The following FTCDNL1 variants were observed in gnomAD, a reference collection of about 807,000 sequenced individuals.
FTCDNL1 encodes formiminotransferase cyclodeaminase N-terminal like, also known as formiminotransferase N-terminal subdomain-containing protein.
FTCDNL1 carries 11 observed loss-of-function variants against 5.9 expected under a neutral mutation model. That is an observed-to-expected ratio of 1.87 (90% CI 1.18 to 3.10). The LOEUF is 3.10. Ranked by LOEUF, FTCDNL1 falls within the 30% of genes most tolerant of loss-of-function variation. The pLI is 0.00. For synonymous variants in FTCDNL1, 58 were observed against 24.8 expected (o/e 2.34, Z -3.99); for missense variants, 115 against 65.5 (o/e 1.76, Z -2.61).
chr2:199,843,767 T>G (rs916929129), intron 3 of FTCDNL1, among the ~76,000 whole-genome samples: 17 of 152,330 alleles, frequency 1.1e-4, no homozygotes, highest in African/African-American at 3.6e-4. Flanking sequence ...ATCTTGTAAT[T>G]AACCGTGGTA....
the FTCDNL1 span, among the ~76,000 whole-genome samples, chr2:199,730,401 G>A: frequency 6.6e-6 from 1 of 152,114 alleles, no homozygotes; most frequent in Non-Finnish European, 1.5e-5. Context: ...AGGGTTAATA[G>A]GCAATCTACA....
chr2:199,770,246 G>A (rs753146294), intron 3 of FTCDNL1, among the ~76,000 whole-genome samples: 2 of 152,194 alleles, frequency 1.3e-5, no homozygotes, highest in African/African-American at 2.4e-5. Context: ...GAAAAGAGGT[G>A]TGAGTGCACA....
At chr2:199,690,018 A>G in the FTCDNL1 span, among the ~76,000 whole-genome samples, 2 of 152,226 alleles carry the variant, frequency 1.3e-5, no homozygotes, top group Non-Finnish European at 2.9e-5. Flanking sequence ...TGATATGACA[A>G]TGTTCAAAAC....
intron 3 of FTCDNL1, among the ~76,000 whole-genome samples, chr2:199,842,887 T>C (rs1353921957): frequency 2.7e-5 from 4 of 149,438 alleles, no homozygotes; most frequent in African/African-American, 9.9e-5. Context: ...AACAGCGGGA[T>C]CCTAGAATGC....
the FTCDNL1 span, among the ~76,000 whole-genome samples, chr2:199,727,519 T>A: frequency 1.5e-4 from 23 of 152,118 alleles, no homozygotes; most frequent in Non-Finnish European, 3.2e-4. Context: ...GGGATGGGAG[T>A]TCCCCTTACC....
Position 199,810,587 on chromosome 2 carries a change from C to T in FTCDNL1, c.*2118G>A, listed in dbSNP as rs561424107. 2.7e-3 allele frequency among the ~76,000 whole-genome samples: 412 copies of T among 152,330 alleles called. 2 individuals carry two copies. Among genetic ancestry groups the T allele is most frequent in the Non-Finnish European group, 2.8e-3 (193 of 68,032 alleles). On this transcript the variant is annotated 3_prime_UTR_variant, in exon 5 of 5. Coordinates refer to ENST00000420128, the MANE Select transcript of FTCDNL1 (RefSeq NM_001363886.2). ...CTCTAGAGCTCAGGGGCAAATGTCCCGCCTTTCCCTGTCTCAGGGATGGTG... is the reference window on the plus strand; with the variant it reads ...CTCTAGAGCTCAGGGGCAAATGTCCTGCCTTTCCCTGTCTCAGGGATGGTG...
the FTCDNL1 span, among the ~76,000 whole-genome samples, chr2:199,742,911 A>G: frequency 6.6e-6 from 1 of 152,250 alleles, no homozygotes; most frequent in African/African-American, 2.4e-5. Context: ...AGGAACTACA[A>G]ATGGGTCTCG....
chr2:199,750,112 G>A, the FTCDNL1 span, among the ~76,000 whole-genome samples: 1 of 151,646 alleles, frequency 6.6e-6, no homozygotes, highest in Non-Finnish European at 1.5e-5. Context: ...CCAACACTTT[G>A]GGAGGCTGAG....
At chr2:199,682,657 T>C in the FTCDNL1 span, among the ~76,000 whole-genome samples, 1 of 152,216 alleles carries the variant, frequency 6.6e-6, no homozygotes, top group Non-Finnish European at 1.5e-5. Context: ...TTTCAAAATA[T>C]CTTAATCTCT....
At chr2:199,850,086 G>A (rs1444716109) in intron 1 of FTCDNL1, among the ~76,000 whole-genome samples, 1 of 152,146 alleles carries the variant, frequency 6.6e-6, no homozygotes, top group African/African-American at 2.4e-5. Context: ...TCATTCGTTG[G>A]CCTAATCATC....
chr2:199,725,308 T>G, the FTCDNL1 span, among the ~76,000 whole-genome samples: 1 of 152,186 alleles, frequency 6.6e-6, no homozygotes, highest in Non-Finnish European at 1.5e-5. Context: ...TTGAATACAG[T>G]ACACCAATGG....
chr2:199,762,538 G>A (rs185905028), intron 3 of FTCDNL1, among the ~76,000 whole-genome samples: 3 of 152,136 alleles, frequency 2.0e-5, no homozygotes, highest in Admixed American at 6.5e-5. Flanking sequence ...GGTCTCTTCT[G>A]TCTTGTTCTC....
At chr2:199,760,072 T>A (rs529800891), downstream of FTCDNL1, among the ~76,000 whole-genome samples, 24 of 152,284 alleles carry the variant, frequency 1.6e-4, no homozygotes, top group Middle Eastern at 3.4e-3. Flanking sequence ...CTTTGAACAT[T>A]AAAAAAGATT....
Position 199,809,918 on chromosome 2 carries a change from A to T in FTCDNL1, c.*2787T>A, listed in dbSNP as rs1398124066. On this transcript the variant is annotated 3_prime_UTR_variant, in exon 5 of 5. Coordinates refer to ENST00000420128, the MANE Select transcript of FTCDNL1 (RefSeq NM_001363886.2). ...TACCTGATTTTTTTTTTTTTTGGTAACCCTCCCATTTTTTAGTCACTTAGT... is the reference window on the plus strand; with the variant it reads ...TACCTGATTTTTTTTTTTTTTGGTATCCCTCCCATTTTTTAGTCACTTAGT... Among the ~76,000 whole-genome samples the T allele has an allele frequency of 6.7e-6, 1 of 150,314 alleles. No individual in the cohort carries two copies.
chr2:199,766,533 A>G (rs1197168537), intron 3 of FTCDNL1, among the ~76,000 whole-genome samples: 1 of 152,218 alleles, frequency 6.6e-6, no homozygotes, highest in African/African-American at 2.4e-5. Context: ...TGTTTCTGCC[A>G]TATAATTTAG....
intron 3 of FTCDNL1, among the ~76,000 whole-genome samples, chr2:199,767,911 T>G (rs953885250): frequency 2.0e-5 from 3 of 152,204 alleles, no homozygotes; most frequent in African/African-American, 7.2e-5. Context: ...AATCTAACTT[T>G]TAAAACCTCC....
chr2:199,669,693 T>G, the FTCDNL1 span, among the ~76,000 whole-genome samples: 2 of 152,324 alleles, frequency 1.3e-5, 1 homozygote, highest in South Asian at 4.1e-4. Context: ...CTGCCGAACC[T>G]TTTGTTTGTG....
the FTCDNL1 span, among the ~76,000 whole-genome samples, chr2:199,696,741 C>G: frequency 6.6e-6 from 1 of 152,244 alleles, no homozygotes; most frequent in South Asian, 2.1e-4. Context: ...ACTCAAAAAG[C>G]CAGAGTGCCT....
chr2:199,688,741 G>C, the FTCDNL1 span, among the ~76,000 whole-genome samples: 1 of 152,200 alleles, frequency 6.6e-6, no homozygotes, highest in East Asian at 1.9e-4. Context: ...ACCTTTTCTA[G>C]CTCTAAAATT....
Sources: allele counts gnomAD v4.1 joint callset (sites outside exome capture counted in the v4.1 genomes callset), GRCh38; gene constraint gnomAD v4.1.1; transcripts MANE v1.5; gene names NCBI Gene and HGNC (gene_info 2026-07-23, HGNC 2026-07-21).